HORMAD2: variants seen among roughly 807,000 people sequenced by gnomAD.
HORMAD2 encodes the protein HORMA domain-containing protein 2.
Under a neutral mutation model 38.8 loss-of-function variants are expected in HORMAD2, and 45 were observed. The observed-to-expected ratio is 1.16, with a 90% confidence interval of 0.91 to 1.49. The LOEUF (loss-of-function observed/expected upper bound fraction) is 1.49. Ranked by LOEUF, HORMAD2 falls within the 40% of genes most tolerant of loss-of-function variation. HORMAD2 has a pLI of 0.00. For synonymous variants in HORMAD2, 126 were observed against 122.8 expected, an observed-to-expected ratio of 1.03 and a Z score of -0.17; for missense variants, 338 against 367.0, an observed-to-expected ratio of 0.92 and a Z score of 0.65.
At chr22:30,082,884 G>A (rs1399475281) in intron 1 of HORMAD2, among the ~76,000 whole-genome samples, 1 of 151,896 alleles carries the variant, frequency 6.6e-6, no homozygotes, top group African/African-American at 2.4e-5. Flanking sequence ...CAAGAGGTAA[G>A]CCTAGAGTGA....
At chr22:30,136,456 C>A (rs144197364) in intron 10 of HORMAD2, among the ~76,000 whole-genome samples, 21 of 152,182 alleles carry the variant, frequency 1.4e-4, no homozygotes, top group African/African-American at 4.8e-4. Context: ...CTTTCACCTT[C>A]CTGTCTTATT....
At chr22:30,199,737 CT>C in the HORMAD2 span, among the ~76,000 whole-genome samples, 81 of 143,028 alleles carry the variant, frequency 5.7e-4, no homozygotes, top group South Asian at 6.7e-4. Context: ...TTTTTTCTTT[CT>C]TTTTTTTTTT....
intron 10 of HORMAD2, among the ~76,000 whole-genome samples, chr22:30,161,594 C>T (rs776018673): frequency 2.6e-4 from 40 of 151,928 alleles, no homozygotes; most frequent in Admixed American, 2.0e-3. Flanking sequence ...TTAACTACCA[C>T]GGAATTCATA....
chr22:30,082,806 AAAAG>A (rs1286419582), intron 1 of HORMAD2, among the ~76,000 whole-genome samples: 50 of 151,620 alleles, frequency 3.3e-4, no homozygotes, highest in African/African-American at 7.7e-4. Context: ...AAAAAAAAAA[AAAAG>A]AAAAGAAAAG....
downstream of HORMAD2, among the ~76,000 whole-genome samples, chr22:30,179,487 G>A (rs1926613067): frequency 6.6e-6 from 1 of 152,120 alleles, no homozygotes; most frequent in African/African-American, 2.4e-5. Flanking sequence ...TAGTTAAAAA[G>A]AAAAAAGCTT....
At chr22:30,136,918 C>A in intron 10 of HORMAD2, 1 of 494,332 alleles carries the variant, frequency 2.0e-6, no homozygotes, top group Non-Finnish European at 3.6e-6. Context: ...TTGACCACTT[C>A]TTTCAAGTCA....
chr22:30,117,332 C>T (rs1031419542), intron 7 of HORMAD2, among the ~76,000 whole-genome samples: 2 of 152,144 alleles, frequency 1.3e-5, no homozygotes, highest in African/African-American at 2.4e-5. Context: ...TGAGCTTATA[C>T]TGTTTACTTG....
chr22:30,171,705 C>G (rs1165591502), intron 10 of HORMAD2, among the ~76,000 whole-genome samples: 1 of 152,070 alleles, frequency 6.6e-6, no homozygotes, highest in African/African-American at 2.4e-5. Flanking sequence ...CAAATGTAAC[C>G]AAGACATGTA....
At chr22:30,101,253 A>G (rs930684990) in intron 3 of HORMAD2, among the ~76,000 whole-genome samples, 3 of 152,210 alleles carry the variant, frequency 2.0e-5, no homozygotes, top group Non-Finnish European at 4.4e-5. Flanking sequence ...CTATGTACCC[A>G]TGAAAAATAA....
chr22:30,121,901 A>G (rs1252587665), intron 9 of HORMAD2, 63 bp from the exon 10 acceptor site: 21 of 1,560,258 alleles, frequency 1.3e-5, no homozygotes, highest in Non-Finnish European at 1.8e-5. Flanking sequence ...CACATGAAAG[A>G]TTAATCGGAT....
At chr22:30,176,032 G>A (rs376739178) in intron 10 of HORMAD2, 31 bp from the exon 11 acceptor site, 1 of 1,422,016 alleles carries the variant, frequency 7.0e-7, no homozygotes, top group African/African-American at 1.4e-5. Flanking sequence ...AATCTCTGCT[G>A]AATTGTGCCT....
the HORMAD2 span, among the ~76,000 whole-genome samples, chr22:30,196,726 A>G: frequency 7.2e-4 from 110 of 152,238 alleles, 1 homozygote; most frequent in East Asian, 0.017. Context: ...AGGAAACTCC[A>G]CTGGAATGAG....
At chr22:30,206,439 T>A in the HORMAD2 span, among the ~76,000 whole-genome samples, 1 of 152,182 alleles carries the variant, frequency 6.6e-6, no homozygotes, top group East Asian at 1.9e-4. Context: ...ATTACAGGCA[T>A]GAGCCACCGC....
chr22:30,126,970 TTA>T (rs1256522253), intron 10 of HORMAD2, among the ~76,000 whole-genome samples: 1 of 152,160 alleles, frequency 6.6e-6, no homozygotes, highest in Admixed American at 6.5e-5. Flanking sequence ...GAGCACCTTT[TTA>T]TATGTTTATT....
rs940301281 is a variant in HORMAD2 at position 30,122,937 on chromosome 22, G to A, written c.819+723G>A. Among the ~76,000 whole-genome samples the A allele has an allele frequency of 4.7e-4, 72 of 152,188 alleles. 2 individuals are homozygous for A. Among genetic ancestry groups the A allele is most frequent in the Admixed American group, 4.6e-3 (70 of 15,282 alleles). On this transcript the variant is annotated intron_variant, in intron 10 of 10. Coordinates refer to ENST00000336726, the MANE Select transcript of HORMAD2 (RefSeq NM_152510.4). ...TTCTGAGTTAGACAAAAAATTTTCA[G>A]TAGGAAGGGATGCTATAAGATCTTT...
intron 10 of HORMAD2, among the ~76,000 whole-genome samples, chr22:30,174,015 T>C (rs1926276610): frequency 6.6e-6 from 1 of 152,160 alleles, no homozygotes; most frequent in Non-Finnish European, 1.5e-5. Flanking sequence ...AGATGGAAAG[T>C]AGGGCAACAT....
At chr22:30,097,283 T>G (rs1490666375) in intron 2 of HORMAD2, among the ~76,000 whole-genome samples, 1 of 152,240 alleles carries the variant, frequency 6.6e-6, no homozygotes, top group Non-Finnish European at 1.5e-5. Flanking sequence ...CTACTCTTGG[T>G]AGACACCCCT....
intron 10 of HORMAD2, among the ~76,000 whole-genome samples, chr22:30,175,316 A>AATAT (rs373604513): frequency 7.0e-4 from 89 of 127,842 alleles, no homozygotes; most frequent in African/African-American, 1.3e-3. Flanking sequence ...TATATAATAT[A>AATAT]ATATATATAT....
chr22:30,118,372 C>G (rs1037849703), intron 7 of HORMAD2, among the ~76,000 whole-genome samples: 3 of 152,180 alleles, frequency 2.0e-5, no homozygotes, highest in African/African-American at 7.2e-5. Context: ...CATAACTGAC[C>G]CTTGAGGCTC....
Sources: allele counts gnomAD v4.1 joint callset (sites outside exome capture counted in the v4.1 genomes callset), GRCh38; gene constraint gnomAD v4.1.1; transcripts MANE v1.5; gene names NCBI Gene and HGNC (gene_info 2026-07-23, HGNC 2026-07-21).